The following RNF216 variants were observed in gnomAD, a reference collection of about 807,000 sequenced individuals.
RNF216 encodes the protein ring finger protein 216.
Under a neutral mutation model 110.8 loss-of-function variants are expected in RNF216, and 72 were observed. The observed-to-expected ratio is 0.65, with a 90% CI of 0.54 to 0.79. The LOEUF (loss-of-function observed/expected upper bound fraction) is 0.79. RNF216 is among the 30% of genes least tolerant of loss of function. The pLI is 0.00. For synonymous variants in RNF216, 495 were observed against 407.5 expected, an observed-to-expected ratio of 1.21 and a Z score of -2.59; for missense variants, 1,342 against 1,141.2, an observed-to-expected ratio of 1.18 and a Z score of -2.54.
chr7:5,710,178 G>C (rs896741887), intron 13 of RNF216, among the ~76,000 whole-genome samples: 3 of 152,122 alleles, frequency 2.0e-5, no homozygotes, highest in African/African-American at 7.2e-5. Context: ...TGGCCAACAT[G>C]GTGAAACCTC....
At chr7:5,711,445 G>A (rs954356630) in intron 13 of RNF216, among the ~76,000 whole-genome samples, 1 of 152,150 alleles carries the variant, frequency 6.6e-6, no homozygotes, top group African/African-American at 2.4e-5. Flanking sequence ...GGTGAAGAGA[G>A]CAAGCAAGAA....
intron 13 of RNF216, among the ~76,000 whole-genome samples, chr7:5,684,025 T>A (rs1286759720): frequency 1.3e-5 from 2 of 151,348 alleles, no homozygotes; most frequent in Non-Finnish European, 2.9e-5. Flanking sequence ...AGCAGCAAGT[T>A]GATTTGGTCT....
rs373222000 is a variant in RNF216 at position 5,741,307 on chromosome 7, G to C, written c.710C>G (p.Ser237Cys). ...DCWLDHPYFQ[S>C]LNQQPREITN... ...TATTTCACGGGGCTGTTGGTTCAGA[G>C]ACTGGAAGTAAGGATGATCTAACCA... Residue 237 changes from serine (S) to cysteine (C), a missense_variant, in exon 4 of 17, where the codon TCT (serine) becomes TGT (cysteine). Coordinates refer to ENST00000389902, the MANE Select transcript of RNF216 (RefSeq NM_207111.4). 11 of 1,614,050 alleles carry C rather than the reference G, an allele frequency of 6.8e-6. No individual in the cohort carries two copies. The highest frequency in any genetic ancestry group is 8.5e-6 in the Non-Finnish European group (10 of 1,179,920).
intron 1 of RNF216, among the ~76,000 whole-genome samples, chr7:5,769,616 T>C (rs963456132): frequency 5.9e-5 from 9 of 151,666 alleles, no homozygotes; most frequent in African/African-American, 7.3e-5. Flanking sequence ...ACCAGCTACA[T>C]GGGAGGCCGG....
intron 14 of RNF216, among the ~76,000 whole-genome samples, chr7:5,641,599 A>G (rs914317795): frequency 2.6e-5 from 4 of 152,140 alleles, no homozygotes; most frequent in Admixed American, 2.0e-4. Flanking sequence ...CAGTTTCCTC[A>G]TTTTTAAACT....
intron 2 of RNF216, among the ~76,000 whole-genome samples, chr7:5,759,022 TG>T (rs1795789696): frequency 6.6e-6 from 1 of 152,140 alleles, no homozygotes; most frequent in South Asian, 2.1e-4. Context: ...AATTGGATCA[TG>T]GGGGTGGTAT....
intron 13 of RNF216, among the ~76,000 whole-genome samples, chr7:5,690,384 A>G (rs1036411550): frequency 1.3e-5 from 2 of 152,024 alleles, no homozygotes; most frequent in Non-Finnish European, 2.9e-5. Flanking sequence ...CTCTAAAAGC[A>G]TGGTTAGCAA....
At chr7:5,650,351 C>T (rs1033536795) in intron 14 of RNF216, among the ~76,000 whole-genome samples, 15 of 152,152 alleles carry the variant, frequency 9.9e-5, no homozygotes, top group Admixed American at 2.0e-4. Flanking sequence ...AGACGCTGAG[C>T]GGAACCAGTG....
intron 13 of RNF216, among the ~76,000 whole-genome samples, chr7:5,662,078 A>T (rs1789182415): frequency 6.6e-6 from 1 of 152,194 alleles, no homozygotes; most frequent in South Asian, 2.1e-4. Flanking sequence ...TCTGGGTGTG[A>T]GCATCAGGGC....
intron 15 of RNF216, among the ~76,000 whole-genome samples, chr7:5,631,734 G>A (rs796208649): frequency 4.6e-4 from 70 of 152,012 alleles, no homozygotes; most frequent in African/African-American, 1.7e-3. Context: ...GGGAAACATT[G>A]AACAAAACAA....
intron 3 of RNF216, among the ~76,000 whole-genome samples, chr7:5,743,314 GTCA>G (rs774795280): frequency 6.6e-6 from 1 of 152,150 alleles, no homozygotes; most frequent in East Asian, 1.9e-4. Context: ...ATGTATGTCT[GTCA>G]TCATTTTTTC....
chr7:5,721,264 A>G, intron 8 of RNF216, 92 bp from the exon 9 acceptor site: 1 of 1,105,090 alleles, frequency 9.0e-7, no homozygotes, highest in Non-Finnish European at 1.3e-6. Context: ...CTCATCCTCC[A>G]CCTTCTCTCT....
At chr7:5,740,329 T>C (rs537835165) in intron 4 of RNF216, among the ~76,000 whole-genome samples, 3 of 152,156 alleles carry the variant, frequency 2.0e-5, no homozygotes, top group African/African-American at 7.2e-5. Flanking sequence ...GGTTTCACCG[T>C]GTTAGCCAGG....
intron 13 of RNF216, among the ~76,000 whole-genome samples, chr7:5,658,448 G>A (rs906634731): frequency 6.6e-6 from 1 of 152,032 alleles, no homozygotes; most frequent in Non-Finnish European, 1.5e-5. Flanking sequence ...CGTAAGCCCA[G>A]GAGTTTGAGA....
chr7:5,776,147 A>T (rs1291859998), intron 1 of RNF216, among the ~76,000 whole-genome samples: 2 of 152,162 alleles, frequency 1.3e-5, no homozygotes, highest in East Asian at 3.9e-4. Flanking sequence ...GTGGATATGG[A>T]GAGCTGACTG....
intron 13 of RNF216, among the ~76,000 whole-genome samples, 179 bp downstream of exon 13, chr7:5,711,582 C>T (rs1459643923): frequency 1.3e-5 from 2 of 152,178 alleles, no homozygotes; most frequent in Non-Finnish European, 2.9e-5. Context: ...TGGCTGCCAT[C>T]TCAGTAACCA....
At position 5,632,535 on chromosome 7, in the gene RNF216, G is replaced by A. The variant is rs567780121; in HGVS notation, c.2383-8410C>T. On this transcript the variant is annotated intron_variant, in intron 15 of 16. Transcript: ENST00000389902. ...CAAGCGTAATGATGTGTCAGGCCAGGGTAGAAGTTAGCCCTCCAATCACCT... is the reference window on the plus strand; with the variant it reads ...CAAGCGTAATGATGTGTCAGGCCAGAGTAGAAGTTAGCCCTCCAATCACCT... 2.6e-5 allele frequency among the ~76,000 whole-genome samples: 4 copies of A among 152,208 alleles called. No individual in the cohort carries two copies. In the South Asian group the frequency reaches 8.3e-4, roughly 32 times the overall value.
intron 7 of RNF216, among the ~76,000 whole-genome samples, chr7:5,729,166 T>C (rs1470762152): frequency 3.3e-5 from 5 of 152,188 alleles, no homozygotes; most frequent in South Asian, 2.1e-4. Flanking sequence ...AGAATGCATC[T>C]TTCACACTCC....
At chr7:5,742,803 C>T (rs1342723546) in intron 3 of RNF216, among the ~76,000 whole-genome samples, 4 of 151,882 alleles carry the variant, frequency 2.6e-5, no homozygotes, top group Admixed American at 6.6e-5. Flanking sequence ...GCCATGTTGG[C>T]CAGGCTGGTC....
Sources: gnomAD v4.1 joint callset for allele counts (sites outside exome capture counted in the v4.1 genomes callset) on GRCh38, gnomAD v4.1.1 for gene constraint, MANE v1.5 for transcripts, NCBI Gene and HGNC (gene_info 2026-07-23, HGNC 2026-07-21) for gene names.